CHCHD3: variants seen among roughly 807,000 people sequenced by gnomAD.
The protein encoded by CHCHD3 is coiled-coil-helix-coiled-coil-helix domain containing 3, also known as MICOS complex subunit MIC19.
A neutral mutation model predicts 38.2 loss-of-function variants in CHCHD3; 20 were observed. The ratio of observed to expected loss-of-function variants is 0.52; its 90% CI spans 0.37 to 0.76. The LOEUF (loss-of-function observed/expected upper bound fraction) is 0.76. Ranked by LOEUF, CHCHD3 falls within the 30% of genes least tolerant of loss-of-function variation. CHCHD3 has a pLI of 0.00. For synonymous variants in CHCHD3, 82 were observed against 100.0 expected (o/e 0.82, Z 1.07); for missense variants, 245 against 279.2 (o/e 0.88, Z 0.87).
chr7:132,867,529 A>G (rs1484710505), intron 5 of CHCHD3, among the ~76,000 whole-genome samples: 1 of 152,192 alleles, frequency 6.6e-6, no homozygotes, highest in Admixed American at 6.5e-5. Context: ...ATGGTTTAGA[A>G]TTTTTATTTC....
chr7:132,928,974 C>T (rs970951113), intron 4 of CHCHD3, among the ~76,000 whole-genome samples: 1 of 152,108 alleles, frequency 6.6e-6, no homozygotes, highest in Non-Finnish European at 1.5e-5. Context: ...CATTTTTTAT[C>T]CTTCTCTTGC....
At chr7:133,003,063 C>CA (rs1371839746) in intron 3 of CHCHD3, among the ~76,000 whole-genome samples, 1 of 152,010 alleles carries the variant, frequency 6.6e-6, no homozygotes, top group African/African-American at 2.4e-5. Context: ...TGTAAGCAGC[C>CA]AAGGAGGTCA....
At chr7:132,985,292 GT>G (rs1562929679) in intron 3 of CHCHD3, among the ~76,000 whole-genome samples, 4 of 70,078 alleles carry the variant, frequency 5.7e-5, no homozygotes, top group Admixed American at 2.8e-4. Flanking sequence ...CGTCCGGGAG[GT>G]GAGGGGCGCC....
rs114767558 is a variant in CHCHD3, at chr7:132,975,048, A to T, written c.369+121T>A. 49 of 794,010 alleles carry T rather than the reference A, an allele frequency of 6.2e-5. No homozygotes were observed. The African/African-American group carries it at 8.2e-4, about 13-fold the overall frequency. The allele number at this position is 794,010 out of a possible 1,614,324, so 49.2% of individuals were successfully genotyped here. A position where few individuals can be genotyped will look rare whatever the true frequency, so the allele number is the denominator to read the frequency against. On this transcript the variant is annotated intron_variant, in intron 4 of 7. Transcript: ENST00000262570. The stretch of plus-strand genomic sequence containing the variant: ...TATAAAAGGCAAAAATCAAAATCTG[A>T]GCAAAGAGAACATGAATAATATTAT...
chr7:133,053,741 T>C (rs1814233994), intron 2 of CHCHD3, among the ~76,000 whole-genome samples: 1 of 152,236 alleles, frequency 6.6e-6, no homozygotes, highest in Non-Finnish European at 1.5e-5. Flanking sequence ...ACTCTGGTGA[T>C]AAAGTGTCAG....
chr7:132,963,772 A>C (rs1811391610), intron 4 of CHCHD3, among the ~76,000 whole-genome samples: 1 of 152,144 alleles, frequency 6.6e-6, no homozygotes, highest in African/African-American at 2.4e-5. Flanking sequence ...ATACAGTAAA[A>C]TCAGTTACCA....
At chr7:132,844,608 C>G (rs1808025554) in intron 5 of CHCHD3, among the ~76,000 whole-genome samples, 1 of 152,100 alleles carries the variant, frequency 6.6e-6, no homozygotes, top group Non-Finnish European at 1.5e-5. Context: ...TTCTTTAAAA[C>G]AGAAAGTCTT....
intron 5 of CHCHD3, among the ~76,000 whole-genome samples, chr7:132,873,149 T>C (rs1470479802): frequency 6.6e-6 from 1 of 151,942 alleles, no homozygotes; most frequent in Admixed American, 6.6e-5. Context: ...AGTGGAATCA[T>C]ATGAGACTGA....
At chr7:132,981,411 G>A (rs1262851682) in intron 3 of CHCHD3, among the ~76,000 whole-genome samples, 1 of 152,170 alleles carries the variant, frequency 6.6e-6, no homozygotes, top group African/African-American at 2.4e-5. Flanking sequence ...ATCTTAAAGA[G>A]TAAACTTTCC....
chr7:132,936,881 T>C (rs575693218), intron 4 of CHCHD3, among the ~76,000 whole-genome samples: 1 of 152,334 alleles, frequency 6.6e-6, no homozygotes, highest in Non-Finnish European at 1.5e-5. Flanking sequence ...ACAGTTTATA[T>C]TAGGCTAAAC....
chr7:132,861,521 T>G (rs1330380270), intron 5 of CHCHD3, among the ~76,000 whole-genome samples: 2 of 152,212 alleles, frequency 1.3e-5, no homozygotes, highest in Non-Finnish European at 2.9e-5. Flanking sequence ...AGCCCATGTC[T>G]TGGAACATAG....
At chr7:132,905,034 G>T (rs974593585) in intron 4 of CHCHD3, among the ~76,000 whole-genome samples, 1 of 135,328 alleles carries the variant, frequency 7.4e-6, no homozygotes, top group Non-Finnish European at 1.5e-5. Context: ...TCATAGGTGG[G>T]AATTGAACAA....
chr7:132,807,930 T>C (rs992699066), intron 6 of CHCHD3, among the ~76,000 whole-genome samples: 1 of 152,044 alleles, frequency 6.6e-6, no homozygotes, highest in South Asian at 2.1e-4. Flanking sequence ...CTTTTCCCTC[T>C]AGATGCCTGG....
chr7:133,004,100 G>A (rs926825341), intron 3 of CHCHD3, among the ~76,000 whole-genome samples: 6 of 151,978 alleles, frequency 3.9e-5, no homozygotes, highest in African/African-American at 1.2e-4. Context: ...ACTGGTGCCC[G>A]CCACCATACC....
At chr7:133,037,791 G>A (rs1425086632) in intron 2 of CHCHD3, among the ~76,000 whole-genome samples, 1 of 152,110 alleles carries the variant, frequency 6.6e-6, no homozygotes, top group African/African-American at 2.4e-5. Context: ...CCAGCCTGGC[G>A]ACAGAGCGAG....
intron 4 of CHCHD3, among the ~76,000 whole-genome samples, chr7:132,903,743 A>T (rs1260878981): frequency 6.6e-6 from 1 of 152,220 alleles, no homozygotes; most frequent in African/African-American, 2.4e-5. Context: ...CTTAAAACTC[A>T]TCTTACTGTG....
chr7:133,081,351 G>A (rs545515986), intron 1 of CHCHD3, among the ~76,000 whole-genome samples: 4 of 151,864 alleles, frequency 2.6e-5, no homozygotes, highest in Non-Finnish European at 4.4e-5. Flanking sequence ...GTGGGGCTGG[G>A]AGGGAGGATG....
intron 4 of CHCHD3, among the ~76,000 whole-genome samples, chr7:132,956,292 C>G (rs541433661): frequency 3.9e-5 from 6 of 152,292 alleles, no homozygotes; most frequent in African/African-American, 1.4e-4. Context: ...CTTACTGAAA[C>G]GTAAGCTCTA....
In CHCHD3 at chr7:132,855,221, G is replaced by C. The variant is rs182171954; in HGVS notation, c.454-16752C>G. 1.6e-3 allele frequency among the ~76,000 whole-genome samples: 243 copies of C among 152,284 alleles called. 1 individual carries two copies. Among genetic ancestry groups the C allele is most frequent in the African/African-American group, 5.4e-3 (225 of 41,574 alleles). On this transcript the variant is annotated intron_variant, in intron 5 of 7. Coordinates refer to ENST00000262570, the MANE Select transcript of CHCHD3 (RefSeq NM_017812.4). ...ACAAAGCAGTAGATGGTACCCTACA[G>C]AGTACTTCACTAAGTCATGCCTTTT...
Sources: allele counts gnomAD v4.1 joint callset (sites outside exome capture counted in the v4.1 genomes callset), GRCh38; gene constraint gnomAD v4.1.1; transcripts MANE v1.5; gene names NCBI Gene and HGNC (gene_info 2026-07-23, HGNC 2026-07-21).